Variants in GMDS observed in about 807,000 individuals in gnomAD.
GMDS encodes the protein GDP-mannose 4,6 dehydratase.
A neutral mutation model predicts 49.9 loss-of-function variants in GMDS; 20 were observed. The ratio of observed to expected loss-of-function variants is 0.40; its 90% CI spans 0.28 to 0.58. GMDS has a LOEUF of 0.58. Ranked by LOEUF, GMDS falls within the 20% of genes least tolerant of loss-of-function variation. The probability of loss-of-function intolerance (pLI) is 0.42; values close to 1 mark genes in which losing one functional copy is unlikely to be tolerated. For missense variants in GMDS, 362 were observed against 481.4 expected, an observed-to-expected ratio of 0.75 and a Z score of 2.32; for synonymous variants, 177 against 178.6, an observed-to-expected ratio of 0.99 and a Z score of 0.07.
chr6:2,081,930 G>A (rs1772725699), intron 4 of GMDS, among the ~76,000 whole-genome samples: 1 of 152,018 alleles, frequency 6.6e-6, no homozygotes, highest in Admixed American at 6.5e-5. Flanking sequence ...TGACTTCCAG[G>A]AGCGTGTAAG....
intron 1 of GMDS, among the ~76,000 whole-genome samples, chr6:2,178,565 G>T (rs1490577627): frequency 6.6e-6 from 1 of 152,098 alleles, no homozygotes; most frequent in Non-Finnish European, 1.5e-5. Flanking sequence ...AACACCAGGG[G>T]TTCCAATCCA....
chr6:1,958,892 G>C (rs1244496249), intron 6 of GMDS, among the ~76,000 whole-genome samples: 1 of 152,152 alleles, frequency 6.6e-6, no homozygotes, highest in African/African-American at 2.4e-5. Flanking sequence ...GCTTTGTAAA[G>C]CTTTCTCATG....
At chr6:1,876,212 C>T (rs1005754473) in intron 7 of GMDS, among the ~76,000 whole-genome samples, 8 of 151,556 alleles carry the variant, frequency 5.3e-5, no homozygotes, top group Middle Eastern at 6.8e-3. Flanking sequence ...GAGCCGAGAT[C>T]GCACCACTGC....
intron 7 of GMDS, among the ~76,000 whole-genome samples, chr6:1,758,796 C>T (rs984178226): frequency 3.3e-5 from 5 of 152,302 alleles, no homozygotes; most frequent in East Asian, 1.9e-4. Context: ...GGATTACAGG[C>T]GCGGTGGCTC....
At chr6:2,012,148 G>A (rs577582486) in intron 4 of GMDS, among the ~76,000 whole-genome samples, 49 of 152,156 alleles carry the variant, frequency 3.2e-4, no homozygotes, top group African/African-American at 1.2e-3. Context: ...AAATTACGTG[G>A]TGGGTATAAT....
At chr6:1,965,538 G>A (rs1764215793) in intron 4 of GMDS, among the ~76,000 whole-genome samples, 1 of 152,140 alleles carries the variant, frequency 6.6e-6, no homozygotes, top group Non-Finnish European at 1.5e-5. Flanking sequence ...GCTTAGAAGT[G>A]TTGGCCAGGC....
intron 4 of GMDS, among the ~76,000 whole-genome samples, chr6:2,041,500 G>A (rs1769676016): frequency 6.6e-6 from 1 of 152,076 alleles, no homozygotes. Flanking sequence ...ATTTTGACTG[G>A]GCTTAAAGAA....
chr6:1,861,568 G>A (rs1758183084), intron 7 of GMDS, among the ~76,000 whole-genome samples: 1 of 151,666 alleles, frequency 6.6e-6, no homozygotes, highest in Non-Finnish European at 1.5e-5. Flanking sequence ...CTAATTTCGG[G>A]GCATGAAGCA....
chr6:2,097,238 T>C (rs1206042485), intron 4 of GMDS, among the ~76,000 whole-genome samples: 3 of 152,204 alleles, frequency 2.0e-5, no homozygotes, highest in Non-Finnish European at 4.4e-5. Context: ...TTATTGTAGA[T>C]AATTGTATAC....
At chr6:1,642,026 C>T (rs975357002) in intron 9 of GMDS, among the ~76,000 whole-genome samples, 4 of 152,158 alleles carry the variant, frequency 2.6e-5, no homozygotes, top group Non-Finnish European at 5.9e-5. Context: ...TGGCCCCTGG[C>T]TCAGAAAGAT....
chr6:1,755,373 G>A (rs1243527907), intron 7 of GMDS, among the ~76,000 whole-genome samples: 1 of 152,186 alleles, frequency 6.6e-6, no homozygotes, highest in Non-Finnish European at 1.5e-5. Context: ...GGAAACAAGA[G>A]AGGACACAAA....
At chr6:1,871,862 T>G (rs114633013) in intron 7 of GMDS, among the ~76,000 whole-genome samples, 1 of 152,242 alleles carries the variant, frequency 6.6e-6, no homozygotes, top group African/African-American at 2.4e-5. Context: ...CTTCTTTTCT[T>G]TTCTCTTTTG....
intron 4 of GMDS, among the ~76,000 whole-genome samples, chr6:2,063,801 C>G (rs1375757304): frequency 6.6e-6 from 1 of 152,172 alleles, no homozygotes; most frequent in East Asian, 1.9e-4. Context: ...ACTTCCATAA[C>G]AAGACAAAAG....
At chr6:1,817,330 C>G (rs1770714208) in intron 7 of GMDS, among the ~76,000 whole-genome samples, 1 of 152,034 alleles carries the variant, frequency 6.6e-6, no homozygotes. Context: ...GTAATGCAGC[C>G]AACAAAAGAA....
At chr6:1,800,993 T>A (rs749899765) in intron 7 of GMDS, among the ~76,000 whole-genome samples, 18 of 152,142 alleles carry the variant, frequency 1.2e-4, no homozygotes, top group Non-Finnish European at 2.1e-4. Context: ...TTCAGGGTAG[T>A]GAATGTGACA....
chr6:2,104,826 TA>T (rs1185063964), intron 4 of GMDS, among the ~76,000 whole-genome samples: 1 of 152,206 alleles, frequency 6.6e-6, no homozygotes, highest in Non-Finnish European at 1.5e-5. Flanking sequence ...ATAATTCCAA[TA>T]AGATAAATTA....
intron 7 of GMDS, among the ~76,000 whole-genome samples, chr6:1,909,717 C>A (rs114530202): frequency 1.3e-3 from 195 of 152,320 alleles, no homozygotes; most frequent in African/African-American, 4.4e-3. Flanking sequence ...CTTCCACATG[C>A]AGGGACGGCA....
At chr6:2,147,036 C>G (rs1026082923) in intron 1 of GMDS, among the ~76,000 whole-genome samples, 1 of 152,130 alleles carries the variant, frequency 6.6e-6, no homozygotes, top group African/African-American at 2.4e-5. Context: ...TCTGGTACAC[C>G]ATTAACTGGC....
chr6:2,176,080 A>T, intron 1 of GMDS: 1 of 1,057,448 alleles, frequency 9.5e-7, no homozygotes, highest in Non-Finnish European at 1.4e-6. Context: ...CTAAATGCAC[A>T]CTGACAACAT....
Sources: allele counts gnomAD v4.1 joint callset (sites outside exome capture counted in the v4.1 genomes callset), GRCh38; gene constraint gnomAD v4.1.1; transcripts MANE v1.5; gene names NCBI Gene and HGNC (gene_info 2026-07-23, HGNC 2026-07-21).